The following ABCD2 variants were observed in gnomAD, a reference collection of about 807,000 sequenced individuals.
ABCD2 encodes the protein ATP binding cassette subfamily D member 2.
Under a neutral mutation model 70.9 loss-of-function variants are expected in ABCD2, and 36 were observed. That is an observed-to-expected ratio of 0.51 (90% CI 0.39 to 0.67). ABCD2 has a LOEUF of 0.67. Ranked by LOEUF, ABCD2 falls within the 30% of genes least tolerant of loss-of-function variation. The pLI, the probability that ABCD2 is intolerant of heterozygous loss-of-function variation, is 0.00. For synonymous variants in ABCD2, 304 were observed against 306.9 expected (o/e 0.99, Z 0.10); for missense variants, 729 against 890.2 (o/e 0.82, Z 2.30).
chr12:39,617,220 A>T lies in ABCD2; in HGVS notation c.940-52T>A. 5 of 1,195,816 alleles carry T rather than the reference A, an allele frequency of 4.2e-6. No homozygotes were observed. In the East Asian group the frequency reaches 8.5e-5, roughly 20 times the overall value. 74.1% of individuals were successfully genotyped at this position (1,195,816 alleles called of 1,614,324 possible). ...CTTTTTTTAAAGATATATACATATT[A>T]TTCTTTTTTTTTTTTAGTATGGCAT... On this transcript the variant is annotated intron_variant, in intron 1 of 9. Transcript: ENST00000308666.
Position 39,614,190 on chromosome 12 carries a change from A to C in ABCD2, c.1120+2798T>G, listed in dbSNP as rs1023247439. Among the ~76,000 whole-genome samples the C allele has an allele frequency of 3.3e-5, 5 of 152,352 alleles. No homozygotes were observed. The East Asian group carries it at 9.6e-4, about 29-fold the overall frequency. The stretch of plus-strand genomic sequence containing the variant: ...TGCCCAGGGTCACAGTCTAGAAAGC[A>C]AAGAAGCCAGCATATGATCCAGAAT... On this transcript the variant is annotated intron_variant, in intron 2 of 9. Coordinates refer to ENST00000308666, the MANE Select transcript of ABCD2 (RefSeq NM_005164.4).
At chr12:39,532,642 G>T in the ABCD2 span, among the ~76,000 whole-genome samples, 4 of 152,108 alleles carry the variant, frequency 2.6e-5, no homozygotes. Context: ...GCTGTCTATC[G>T]CAGTCTTGAT....
chr12:39,573,035 T>G (rs1180937785), intron 9 of ABCD2, among the ~76,000 whole-genome samples: 1 of 152,180 alleles, frequency 6.6e-6, no homozygotes, highest in Non-Finnish European at 1.5e-5. Context: ...AGTTCTCAGT[T>G]TCTTCATCTG....
In ABCD2 at chr12:39,551,896, G is replaced by C. The variant is rs1395863237; in HGVS notation, c.*2016C>G. The stretch of plus-strand genomic sequence containing the variant: ...TGAAAATTATACACATCTTTCACAT[G>C]AGGATTTTTCATTTTCTTCTTGTAC... On this transcript the variant is annotated 3_prime_UTR_variant, in exon 10 of 10. Transcript: ENST00000308666. 6.6e-6 allele frequency: 1 copy of C among 151,686 alleles called. No individual in the cohort carries two copies. Among genetic ancestry groups the C allele is most frequent in the African/African-American group, 2.4e-5 (1 of 41,382 alleles). The allele number at this position is 151,686 out of a possible 1,614,324, so 9.4% of individuals were successfully genotyped here.
chr12:39,605,204 C>T (rs1158929920), intron 3 of ABCD2, among the ~76,000 whole-genome samples: 1 of 151,828 alleles, frequency 6.6e-6, no homozygotes, highest in Non-Finnish European at 1.5e-5. Flanking sequence ...CTGATTTGAC[C>T]TCTGTTTACA....
chr12:39,578,280 C>G (rs1427930785), intron 8 of ABCD2, among the ~76,000 whole-genome samples: 1 of 152,078 alleles, frequency 6.6e-6, no homozygotes, highest in Non-Finnish European at 1.5e-5. Context: ...CGAGACCATC[C>G]TGGCTAACAC....
chr12:39,588,124 C>T (rs1941691142), intron 6 of ABCD2, among the ~76,000 whole-genome samples: 1 of 152,052 alleles, frequency 6.6e-6, no homozygotes, highest in African/African-American at 2.4e-5. Context: ...AAGAGAAAAA[C>T]TAATTTTAAT....
the ABCD2 span, among the ~76,000 whole-genome samples, chr12:39,533,406 G>A: frequency 1.3e-5 from 2 of 152,078 alleles, no homozygotes; most frequent in African/African-American, 4.8e-5. Context: ...TCTGTAAAGG[G>A]ATAATAGAAG....
Position 39,619,460 on chromosome 12 carries a change from T to C in ABCD2, c.156A>G (p.Lys52=), listed in dbSNP as rs1277961713. The part of the protein sequence containing the change: ...KRLKQSGHGK[K]KAAAYPAAEN... ...CTGCAGCAGGGTAAGCTGCTGCTTT[T>C]TTCTTCCCGTGGCCAGATTGCTTTA... The change falls in exon 1 of 10, where the codon AAA becomes AAG. Residue 52 remains lysine, a synonymous_variant. Coordinates refer to ENST00000308666, the MANE Select transcript of ABCD2 (RefSeq NM_005164.4). 6.2e-7 allele frequency: 1 copy of C among 1,613,904 alleles called. No individual in the cohort carries two copies.
intron 5 of ABCD2, among the ~76,000 whole-genome samples, chr12:39,600,984 A>G (rs1054637665): frequency 2.0e-5 from 3 of 152,138 alleles, no homozygotes; most frequent in African/African-American, 7.2e-5. Flanking sequence ...TTGTTATCAG[A>G]TACCACATAC....
rs1266423060 is a variant in ABCD2 at position 39,554,067 on chromosome 12, T to C, written c.2068A>G (p.Thr690Ala). The change falls in exon 10 of 10, where the codon ACT (threonine) becomes GCT (alanine). Residue 690 changes from threonine to alanine, a missense_variant. Around this residue, in one of 3 missense-constraint regions of ABCD2, gnomAD observed 289 missense variants for 328.8 expected, o/e 0.88. Coordinates refer to ENST00000308666, the MANE Select transcript of ABCD2 (RefSeq NM_005164.4). Reference protein sequence around the residue: ...EGGWRFEQLDTAIRLTLSEEK... With the variant: ...EGGWRFEQLDAAIRLTLSEEK... ...TCACTCAATGTCAAACGGATAGCAG[T>C]ATCCAATTGTTCAAAGCGCCAACCT... The C allele has an allele frequency of 1.9e-6, 3 of 1,613,620 alleles. No homozygotes were observed. Among genetic ancestry groups the C allele is most frequent in the Non-Finnish European group, 2.5e-6 (3 of 1,179,832 alleles).
At position 39,554,125 on chromosome 12, in the gene ABCD2, G is replaced by A; in HGVS notation, c.2010C>T (p.Tyr670=). The A allele has an allele frequency of 3.7e-6, 6 of 1,608,256 alleles. No homozygotes were observed. The highest frequency in any genetic ancestry group is 5.1e-6 in the Non-Finnish European group (6 of 1,177,234). The change falls in exon 10 of 10, where the codon TAC becomes TAT. Residue 670 remains tyrosine, a synonymous_variant. Transcript: ENST00000308666. ...SITHRPSLWK[Y]HTHLLQFDGE... ...CATCAAACTGTAATAAATGTGTGTG[G>A]TATTTCCTGCATAATTAAAATGAAA...
intron 2 of ABCD2, among the ~76,000 whole-genome samples, chr12:39,610,677 G>A (rs1447347213): frequency 6.6e-6 from 1 of 152,150 alleles, no homozygotes. Flanking sequence ...AGATGGACTG[G>A]CATTTCATAT....
chr12:39,619,324 T>C lies in ABCD2; in HGVS notation c.292A>G (p.Lys98Glu), dbSNP rs373396030. Residue 98 changes from lysine (K) to glutamate (E), a missense_variant, in exon 1 of 10, where the codon AAA (lysine) becomes GAA (glutamate). Around this residue, in one of 3 missense-constraint regions of ABCD2, gnomAD observed 245 missense variants for 261.2 expected, o/e 0.94. Coordinates refer to ENST00000308666, the MANE Select transcript of ABCD2 (RefSeq NM_005164.4). ...LLELRKILFP[K>E]LVTTETGWLC... is the part of the protein sequence containing the mutation. ...CACCCTGTTTCAGTGGTCACAAGTTTTGGAAACAAAATTTTCCGAAGTTCT... is the reference window on the plus strand; with the variant it reads ...CACCCTGTTTCAGTGGTCACAAGTTCTGGAAACAAAATTTTCCGAAGTTCT... 9.3e-5 allele frequency: 150 copies of C among 1,613,992 alleles called. No individual in the cohort carries two copies. Among genetic ancestry groups the C allele is most frequent in the Non-Finnish European group, 1.1e-4 (128 of 1,180,036 alleles).
At chr12:39,549,807 C>T (rs957284656), downstream of ABCD2, among the ~76,000 whole-genome samples, 6 of 151,830 alleles carry the variant, frequency 4.0e-5, no homozygotes, top group Admixed American at 3.9e-4. Context: ...AATTTCAGCT[C>T]TATAGTTTGG....
chr12:39,553,876 A>G lies in ABCD2; in HGVS notation c.*36T>C, dbSNP rs1252704291. The G allele has an allele frequency of 1.4e-6, 2 of 1,467,500 alleles. No individual in the cohort carries two copies. Among genetic ancestry groups the G allele is most frequent in the East Asian group, 2.4e-5 (1 of 41,074 alleles). The allele number at this position is 1,467,500 out of a possible 1,614,324, so 90.9% of individuals were successfully genotyped here. A position where few individuals can be genotyped will look rare whatever the true frequency, so the allele number is the denominator to read the frequency against. ...TATAACAGAATGTCTTTGAGCCTTT[A>G]TCTAATAATTAACTTTTAAAATATG... On this transcript the variant is annotated 3_prime_UTR_variant, in exon 10 of 10. Transcript: ENST00000308666.
At chr12:39,540,411 G>C in the ABCD2 span, among the ~76,000 whole-genome samples, 1 of 152,072 alleles carries the variant, frequency 6.6e-6, no homozygotes, top group African/African-American at 2.4e-5. Context: ...ATAGCATTAC[G>C]TGACAAAGAA....
intron 9 of ABCD2, among the ~76,000 whole-genome samples, chr12:39,568,483 C>A (rs1566542838): frequency 6.6e-6 from 1 of 152,156 alleles, no homozygotes; most frequent in Non-Finnish European, 1.5e-5. Context: ...TCCCTCAGGT[C>A]CTTTAAGGAC....
intron 7 of ABCD2, among the ~76,000 whole-genome samples, chr12:39,580,164 C>T (rs1271430994): frequency 6.6e-6 from 1 of 152,090 alleles, no homozygotes; most frequent in African/African-American, 2.4e-5. Context: ...TGGTTTCAAC[C>T]TCCTAGGTTC....
Sources: allele counts gnomAD v4.1 joint callset (sites outside exome capture counted in the v4.1 genomes callset), GRCh38; gene constraint gnomAD v4.1.1; regional missense constraint gnomAD v4.1.1; transcripts MANE v1.5; gene names NCBI Gene and HGNC (gene_info 2026-07-23, HGNC 2026-07-21).